EEA1: variants seen among roughly 807,000 people sequenced by gnomAD.
EEA1 encodes early endosome antigen 1, 162kD.
EEA1 carries 111 observed loss-of-function variants against 209.2 expected under a neutral mutation model. That is an observed-to-expected ratio of 0.53 (90% CI 0.45 to 0.62). EEA1 has a LOEUF of 0.62. Ranked by LOEUF, EEA1 falls within the 20% of genes least tolerant of loss-of-function variation. The pLI, the probability that EEA1 is intolerant of heterozygous loss-of-function variation, is 0.00. For synonymous variants in EEA1, 536 were observed against 540.6 expected, an observed-to-expected ratio of 0.99 and a Z score of 0.12; for missense variants, 1,343 against 1,530.8, an observed-to-expected ratio of 0.88 and a Z score of 2.05.
chr12:92,855,931 A>C (rs1397929612), intron 5 of EEA1, among the ~76,000 whole-genome samples: 1 of 152,222 alleles, frequency 6.6e-6, no homozygotes, highest in African/African-American at 2.4e-5. Flanking sequence ...AACATGAGTA[A>C]ATGAGTTATA....
chr12:92,824,772 T>C (rs1876216825), intron 13 of EEA1, among the ~76,000 whole-genome samples: 1 of 152,242 alleles, frequency 6.6e-6, no homozygotes, highest in Non-Finnish European at 1.5e-5. Flanking sequence ...TTTAACATGC[T>C]ATATGTTTTG....
At chr12:92,923,633 ACT>A (rs1281236391) in intron 1 of EEA1, among the ~76,000 whole-genome samples, 1 of 151,852 alleles carries the variant, frequency 6.6e-6, no homozygotes, top group African/African-American at 2.4e-5. Context: ...CCACATAGTT[ACT>A]TTTTCTTTTG....
intron 1 of EEA1, among the ~76,000 whole-genome samples, chr12:92,898,074 G>A (rs1879966481): frequency 6.6e-6 from 1 of 151,378 alleles, no homozygotes; most frequent in Middle Eastern, 3.2e-3. Context: ...CTATATACAA[G>A]TATGCCTATA....
intron 22 of EEA1, among the ~76,000 whole-genome samples, chr12:92,786,037 A>G (rs532092836): frequency 6.6e-6 from 1 of 152,314 alleles, no homozygotes; most frequent in East Asian, 1.9e-4. Flanking sequence ...TGACATCCAT[A>G]TGGAAAGAGT....
At chr12:92,832,944 A>C (rs1876729660) in intron 10 of EEA1, 94 bp from the exon 11 acceptor site, 1 of 878,250 alleles carries the variant, frequency 1.1e-6, no homozygotes, top group Admixed American at 3.1e-5. Context: ...GTCTCCTATT[A>C]TACATTTTAG....
At chr12:92,922,469 G>C (rs1881044997) in intron 1 of EEA1, among the ~76,000 whole-genome samples, 1 of 152,160 alleles carries the variant, frequency 6.6e-6, no homozygotes, top group South Asian at 2.1e-4. Context: ...CAAAAATCTG[G>C]TTTGTTTTTA....
intron 2 of EEA1, among the ~76,000 whole-genome samples, chr12:92,881,719 A>G (rs934366766): frequency 1.1e-4 from 17 of 152,230 alleles, no homozygotes; most frequent in African/African-American, 3.4e-4. Context: ...GGAATAGGAT[A>G]AACAATAAAC....
intron 21 of EEA1, among the ~76,000 whole-genome samples, chr12:92,797,653 G>A (rs958445674): frequency 6.6e-6 from 1 of 152,074 alleles, no homozygotes; most frequent in Admixed American, 6.5e-5. Context: ...TGGATACAAG[G>A]CTAGTATATT....
At chr12:92,884,154 G>T in intron 2 of EEA1, 12 of 1,269,650 alleles carry the variant, frequency 9.5e-6, no homozygotes, top group Non-Finnish European at 1.1e-5. Flanking sequence ...GAACAGTATG[G>T]AAAAATTGAA....
intron 1 of EEA1, among the ~76,000 whole-genome samples, chr12:92,919,548 C>G (rs1427912705): frequency 5.3e-5 from 8 of 150,330 alleles, no homozygotes; most frequent in Admixed American, 2.0e-4. Context: ...ATTCAACAAC[C>G]CTTCATGCTA....
intron 11 of EEA1, among the ~76,000 whole-genome samples, chr12:92,830,631 CAG>C (rs1321560895): frequency 6.6e-6 from 1 of 152,066 alleles, no homozygotes; most frequent in African/African-American, 2.4e-5. Context: ...AAGCAAGACA[CAG>C]CACACATGTA....
intron 13 of EEA1, 97 bp downstream of exon 13, chr12:92,826,069 T>C: frequency 6.1e-6 from 8 of 1,307,082 alleles, no homozygotes; most frequent in Admixed American, 2.3e-5. Context: ...AACAAAAGGA[T>C]AATGATTTGG....
chr12:92,860,399 G>A (rs1250393891), intron 3 of EEA1, among the ~76,000 whole-genome samples: 1 of 152,188 alleles, frequency 6.6e-6, no homozygotes, highest in Admixed American at 6.5e-5. Context: ...AGAGAAGTCA[G>A]CTTCCTTCAG....
chr12:92,879,020 G>A (rs1397484540), intron 2 of EEA1, among the ~76,000 whole-genome samples: 1 of 152,076 alleles, frequency 6.6e-6, no homozygotes, highest in Non-Finnish European at 1.5e-5. Flanking sequence ...CCTAATTTAT[G>A]AGGCCAGGAA....
intron 10 of EEA1, among the ~76,000 whole-genome samples, chr12:92,833,665 G>A (rs1046115410): frequency 3.3e-5 from 5 of 152,212 alleles, no homozygotes; most frequent in African/African-American, 1.2e-4. Context: ...GAGTCAGTTA[G>A]TGGACCTTTA....
intron 22 of EEA1, among the ~76,000 whole-genome samples, chr12:92,785,192 C>A (rs1217294051): frequency 6.6e-6 from 1 of 152,040 alleles, no homozygotes; most frequent in African/African-American, 2.4e-5. Flanking sequence ...CTACCTCTAC[C>A]TTTCCTGGAC....
At chr12:92,820,279 A>G (rs1875982461) in intron 13 of EEA1, among the ~76,000 whole-genome samples, 3 of 152,208 alleles carry the variant, frequency 2.0e-5, no homozygotes, top group Non-Finnish European at 2.9e-5. Context: ...CCATCGATAT[A>G]GCAAGAGATC....
chr12:92,782,433 T>C (rs1261998100), intron 22 of EEA1, among the ~76,000 whole-genome samples: 1 of 152,194 alleles, frequency 6.6e-6, no homozygotes, highest in Non-Finnish European at 1.5e-5. Context: ...TCTTCAATAT[T>C]GGCTAGTTGA....
chr12:92,782,431 A>G (rs867718448), intron 22 of EEA1, among the ~76,000 whole-genome samples: 105 of 152,302 alleles, frequency 6.9e-4, no homozygotes, highest in African/African-American at 2.5e-3. Context: ...CATCTTCAAT[A>G]TTGGCTAGTT....
Sources: gnomAD v4.1 joint callset for allele counts (sites outside exome capture counted in the v4.1 genomes callset) on GRCh38, gnomAD v4.1.1 for gene constraint, MANE v1.5 for transcripts, NCBI Gene and HGNC (gene_info 2026-07-23, HGNC 2026-07-21) for gene names.